The following EFR3A variants were observed in gnomAD, a reference collection of about 807,000 sequenced individuals.
EFR3A encodes protein EFR3 homolog A.
Under a neutral mutation model 104.4 loss-of-function variants are expected in EFR3A, and 76 were observed. The ratio of observed to expected loss-of-function variants is 0.73; its 90% CI spans 0.60 to 0.88. EFR3A has a LOEUF of 0.88. Among genes scored for constraint, EFR3A ranks in the 40% least tolerant of loss-of-function variants. The probability of loss-of-function intolerance (pLI) is 0.00; values close to 1 mark genes in which losing one functional copy is unlikely to be tolerated. For synonymous variants in EFR3A, 330 were observed against 330.0 expected (o/e 1.00, Z 0.00); for missense variants, 985 against 1,012.5 (o/e 0.97, Z 0.37).
At chr8:131,934,387 C>T (rs1817770855) in intron 1 of EFR3A, among the ~76,000 whole-genome samples, 2 of 152,126 alleles carry the variant, frequency 1.3e-5, no homozygotes, top group South Asian at 4.1e-4. Flanking sequence ...CTTGGTAAAA[C>T]CTCTTTTCAC....
intron 1 of EFR3A, among the ~76,000 whole-genome samples, chr8:131,938,863 C>T (rs557999048): frequency 6.6e-6 from 1 of 152,172 alleles, no homozygotes; most frequent in East Asian, 1.9e-4. Context: ...ATGATCATAA[C>T]CCTCAGAGAG....
Position 131,970,541 on chromosome 8 carries a change from G to A in EFR3A, c.1057G>A (p.Ala353Thr). The A allele has an allele frequency of 6.2e-7, 1 of 1,613,914 alleles. No homozygotes were observed. Among genetic ancestry groups the A allele is most frequent in the Non-Finnish European group, 8.5e-7 (1 of 1,179,832 alleles). ...TCTGCGTCTCAGCGTTGAATTCGAAGCAAATGATTTACAGGGGGGATCTGT... is the reference window on the plus strand; with the variant it reads ...TCTGCGTCTCAGCGTTGAATTCGAAACAAATGATTTACAGGGGGGATCTGT... ...KHLRLSVEFE[A>T]NDLQGGSVGS... Residue 353 changes from alanine to threonine, a missense_variant, in exon 10 of 23, where the codon GCA becomes ACA. Ala to Thr is a moderately conservative substitution (Grantham distance 58). Coordinates refer to ENST00000254624, the MANE Select transcript of EFR3A (RefSeq NM_015137.6).
intron 19 of EFR3A, among the ~76,000 whole-genome samples, chr8:131,999,288 A>G (rs1005883078): frequency 1.3e-5 from 2 of 152,132 alleles, no homozygotes; most frequent in Admixed American, 6.5e-5. Context: ...TTTTCCCCAA[A>G]TGCAACTGGA....
intron 1 of EFR3A, among the ~76,000 whole-genome samples, chr8:131,909,320 AAGAG>A (rs1816399031): frequency 1.3e-5 from 2 of 152,134 alleles, no homozygotes; most frequent in South Asian, 4.1e-4. Context: ...GGAGGCCAAG[AAGAG>A]AGGATCGCTT....
chr8:131,922,904 C>G (rs1313332301), intron 1 of EFR3A, among the ~76,000 whole-genome samples: 1 of 152,068 alleles, frequency 6.6e-6, no homozygotes, highest in Non-Finnish European at 1.5e-5. Flanking sequence ...TTATAACTTA[C>G]AGTAGATTTT....
intron 2 of EFR3A, among the ~76,000 whole-genome samples, chr8:131,941,266 G>A (rs1319586744): frequency 6.6e-6 from 1 of 151,872 alleles, no homozygotes; most frequent in Non-Finnish European, 1.5e-5. Context: ...AAAGCAACTG[G>A]TTGGGGTGAT....
At chr8:131,938,050 A>T (rs1157448633) in intron 1 of EFR3A, among the ~76,000 whole-genome samples, 1 of 152,002 alleles carries the variant, frequency 6.6e-6, no homozygotes, top group African/African-American at 2.4e-5. Context: ...CTTGATATGG[A>T]TATTATCAAG....
rs767777438 is a variant in EFR3A, at chr8:131,953,850, G to T, written c.521G>T (p.Gly174Val). ...ATTGCTGGAATTAGAGGTATTCAAG[G>T]TGTGGTTCGCAAAACAGTCAACGAT... Reference protein sequence around the residue: ...IRIAGIRGIQGVVRKTVNDEL... With the variant: ...IRIAGIRGIQVVVRKTVNDEL... The change falls in exon 6 of 23, where the codon GGT becomes GTT. Residue 174 changes from glycine (G) to valine (V), a missense_variant. Transcript: ENST00000254624. The T allele has an allele frequency of 6.4e-7, 1 of 1,560,830 alleles. No individual in the cohort carries two copies. Among genetic ancestry groups the T allele is most frequent in the East Asian group, 2.4e-5 (1 of 42,456 alleles).
chr8:131,999,614 CA>C (rs1821687111), intron 19 of EFR3A, among the ~76,000 whole-genome samples: 1 of 151,576 alleles, frequency 6.6e-6, no homozygotes, highest in Non-Finnish European at 1.5e-5. Flanking sequence ...TTTAGTAGCT[CA>C]CCAAATAAAG....
At chr8:131,984,057 A>G in intron 14 of EFR3A, 82 bp from the exon 15 acceptor site, 1 of 1,229,316 alleles carries the variant, frequency 8.1e-7, no homozygotes, top group Non-Finnish European at 1.1e-6. Context: ...ACATAGCTAC[A>G]CTGTAAAAGT....
chr8:131,947,326 T>C (rs781730390), intron 4 of EFR3A, among the ~76,000 whole-genome samples: 4 of 152,032 alleles, frequency 2.6e-5, no homozygotes, highest in Non-Finnish European at 4.4e-5. Flanking sequence ...TTTGGAGAAA[T>C]GTCTATTCAA....
At chr8:131,973,201 G>T (rs572549864) in intron 10 of EFR3A, among the ~76,000 whole-genome samples, 1 of 151,690 alleles carries the variant, frequency 6.6e-6, no homozygotes, top group Admixed American at 6.6e-5. Flanking sequence ...CATTACCATG[G>T]AGTCATAATA....
intron 19 of EFR3A, among the ~76,000 whole-genome samples, chr8:131,999,053 A>G (rs927961837): frequency 7.2e-5 from 11 of 152,236 alleles, no homozygotes; most frequent in African/African-American, 2.6e-4. Flanking sequence ...TATATGCATA[A>G]CTGATATGAG....
At chr8:131,963,316 A>G (rs1307329815) in intron 8 of EFR3A, among the ~76,000 whole-genome samples, 2 of 152,232 alleles carry the variant, frequency 1.3e-5, no homozygotes, top group East Asian at 3.8e-4. Context: ...AAATTGATAG[A>G]CTGCTAGCAA....
chr8:131,910,512 A>G (rs1816465611), intron 1 of EFR3A, among the ~76,000 whole-genome samples: 2 of 152,162 alleles, frequency 1.3e-5, no homozygotes, highest in South Asian at 2.1e-4. Flanking sequence ...AGCTCAGGCA[A>G]TCTGCCTGCC....
At chr8:131,945,130 T>G (rs1818370519) in intron 3 of EFR3A, among the ~76,000 whole-genome samples, 1 of 151,998 alleles carries the variant, frequency 6.6e-6, no homozygotes, top group African/African-American at 2.4e-5. Flanking sequence ...GATTTTTGAG[T>G]CTTTTCTAAT....
intron 1 of EFR3A, among the ~76,000 whole-genome samples, chr8:131,910,479 C>T (rs1302701541): frequency 6.6e-6 from 1 of 152,148 alleles, no homozygotes; most frequent in Non-Finnish European, 1.5e-5. Context: ...CACCATGTTG[C>T]CCAGCATGGT....
chr8:131,962,242 G>T (rs1040038034), intron 8 of EFR3A, among the ~76,000 whole-genome samples: 1 of 151,964 alleles, frequency 6.6e-6, no homozygotes, highest in African/African-American at 2.4e-5. Context: ...GCTAAATGCT[G>T]CAATTAAAAG....
chr8:131,972,369 T>C lies in EFR3A; in HGVS notation c.1159+1726T>C, dbSNP rs539186854. Among the ~76,000 whole-genome samples the C allele has an allele frequency of 1.8e-3, 277 of 151,906 alleles. 2 individuals carry two copies. The highest frequency in any genetic ancestry group is 6.5e-3 in the African/African-American group (269 of 41,474). ...CATTTCTCCAAAGGAGCTGCGGTTG[T>C]TTTTAGTGGATAGTAGTATTAGAGA... On this transcript the variant is annotated intron_variant, in intron 10 of 22. Transcript: ENST00000254624.
Sources: gnomAD v4.1 joint callset for allele counts (sites outside exome capture counted in the v4.1 genomes callset) on GRCh38, gnomAD v4.1.1 for gene constraint, MANE v1.5 for transcripts, NCBI Gene and HGNC (gene_info 2026-07-23, HGNC 2026-07-21) for gene names.